Variants in ADGRE3 observed in about 807,000 individuals in gnomAD.
ADGRE3 encodes the protein EGF-like module receptor 3.
In ADGRE3, 88 loss-of-function variants were observed where a neutral mutation model predicts 80.1. The observed-to-expected ratio is 1.10, with a 90% CI of 0.93 to 1.31. ADGRE3 has a LOEUF of 1.31. Among genes scored for constraint, ADGRE3 ranks in the 40% most tolerant of loss-of-function variants. The probability of loss-of-function intolerance (pLI) is 0.00; values close to 1 mark genes in which losing one functional copy is unlikely to be tolerated. For synonymous variants in ADGRE3, 281 were observed against 294.8 expected, an observed-to-expected ratio of 0.95 and a Z score of 0.48; for missense variants, 715 against 776.5, an observed-to-expected ratio of 0.92 and a Z score of 0.94.
chr19:14,658,646 C>A, intron 4 of ADGRE3, 96 bp from the exon 5 acceptor site: 3 of 668,254 alleles, frequency 4.5e-6, no homozygotes, highest in South Asian at 3.6e-5. Context: ...AGCAACTTTG[C>A]ACCTAGAAGG....
chr19:14,647,390 T>A, intron 7 of ADGRE3, 25 bp from the exon 8 acceptor site: 1 of 1,487,090 alleles, frequency 6.7e-7, no homozygotes, highest in Non-Finnish European at 9.1e-7. Context: ...AGATGGAATC[T>A]TTTTTCTTTT....
At chr19:14,674,371 C>T (rs994120531) in intron 1 of ADGRE3, among the ~76,000 whole-genome samples, 1 of 152,126 alleles carries the variant, frequency 6.6e-6, no homozygotes, top group East Asian at 1.9e-4. Context: ...GTGATGTGTG[C>T]CTGTAATCCC....
At chr19:14,633,602 G>A (rs112180561) in intron 11 of ADGRE3, among the ~76,000 whole-genome samples, 18,474 of 151,602 alleles carry the variant, frequency 0.12, 1,231 homozygotes, top group African/African-American at 0.18. Flanking sequence ...CTATTCGGGA[G>A]GCTGAGGCAG....
chr19:14,656,449 G>A (rs988505133), intron 5 of ADGRE3, among the ~76,000 whole-genome samples: 2 of 150,812 alleles, frequency 1.3e-5, no homozygotes, highest in African/African-American at 4.9e-5. Flanking sequence ...GCAAAATCCT[G>A]CCCACCGACT....
chr19:14,662,274 A>T (rs1049312169), intron 3 of ADGRE3, among the ~76,000 whole-genome samples, 156 bp from the exon 4 acceptor site: 3 of 152,042 alleles, frequency 2.0e-5, no homozygotes, highest in Non-Finnish European at 4.4e-5. Context: ...CGCTTTCTTC[A>T]TTGACTTTGG....
In ADGRE3 at chr19:14,620,907, A is replaced by G. The variant is rs75841862; in HGVS notation, c.1921-1436T>C. Reference sequence around the variant, plus strand: ...CTTATTTCATTGTGGAGAACCAATAACTGGAATGCTGGCAGCTTTGGGAAT... The same window carrying G: ...CTTATTTCATTGTGGAGAACCAATAGCTGGAATGCTGGCAGCTTTGGGAAT... On this transcript the variant is annotated intron_variant, in intron 15 of 15. Transcript: ENST00000253673. 2.9e-3 allele frequency among the ~76,000 whole-genome samples: 435 copies of G among 152,180 alleles called. 1 individual carries two copies. The highest frequency in any genetic ancestry group is 0.01 in the African/African-American group (417 of 41,532).
intron 15 of ADGRE3, among the ~76,000 whole-genome samples, chr19:14,620,568 A>ATATATATT (rs1435435269): frequency 3.6e-4 from 4 of 11,048 alleles, no homozygotes; most frequent in African/African-American, 1.2e-3. Context: ...ATATATATAT[A>ATATATATT]TTTTTTTTTT....
At chr19:14,662,928 A>T (rs1407090275) in intron 3 of ADGRE3, among the ~76,000 whole-genome samples, 2 of 132,520 alleles carry the variant, frequency 1.5e-5, no homozygotes, top group South Asian at 4.8e-4. Context: ...AAAAAAAAAA[A>T]TTAGCTGGGC....
chr19:14,644,263 T>G lies in ADGRE3; in HGVS notation c.895A>C (p.Thr299Pro), dbSNP rs765063112. 5 of 1,531,106 alleles carry G rather than the reference T, an allele frequency of 3.3e-6. No homozygotes were observed. The South Asian group carries it at 6.1e-5, about 19-fold the overall frequency. 94.8% of individuals were successfully genotyped at this position (1,531,106 alleles called of 1,614,324 possible). Residue 299 changes from threonine to proline, a missense_variant, in exon 9 of 16, where the codon ACC becomes CCC. Thr to Pro is a conservative substitution (Grantham distance 38). Coordinates refer to ENST00000253673, the MANE Select transcript of ADGRE3 (RefSeq NM_032571.5). ...CAGTAGACACAGAAGACCTTTTTGGTACTGGGGGTCATCTGAAAATAGAAA... is the reference window on the plus strand; with the variant it reads ...CAGTAGACACAGAAGACCTTTTTGGGACTGGGGGTCATCTGAAAATAGAAA... ...TFQHVKMTPS[T>P]KKVFCVYWKS...
At position 14,636,155 on chromosome 19, in the gene ADGRE3, TTTCC is replaced by T. The variant is rs1237820160; in HGVS notation, c.1484+1946_1484+1949del. 2.9e-4 allele frequency among the ~76,000 whole-genome samples: 30 copies of T among 104,962 alleles called. 4 individuals are homozygous for T. Among genetic ancestry groups the T allele is most frequent in the African/African-American group, 7.3e-4 (22 of 30,152 alleles). The allele number at this position is 104,962 out of a possible 152,430, so 68.9% of individuals were successfully genotyped here. A position where few individuals can be genotyped will look rare whatever the true frequency, so the allele number is the denominator to read the frequency against. On this transcript the variant is annotated intron_variant, in intron 11 of 15. Coordinates refer to ENST00000253673, the MANE Select transcript of ADGRE3 (RefSeq NM_032571.5). The stretch of plus-strand genomic sequence containing the variant: ...CTTTCTTTCTTTCTTTCTTTCTTCC[TTTCC>T]TCCTTTCCTTTCCTTTCCTTCCTCT...
At chr19:14,668,746 G>A (rs1442666944) in intron 2 of ADGRE3, 56 bp downstream of exon 2, 12 of 1,484,764 alleles carry the variant, frequency 8.1e-6, no homozygotes, top group African/African-American at 1.4e-5. Flanking sequence ...GACCATGAGT[G>A]GCTCCAGGTC....
chr19:14,601,373 G>T, the ADGRE3 span, among the ~76,000 whole-genome samples: 1 of 152,194 alleles, frequency 6.6e-6, no homozygotes, highest in African/African-American at 2.4e-5. Context: ...TCACCTCCGT[G>T]CAACCAGAAG....
intron 14 of ADGRE3, among the ~76,000 whole-genome samples, chr19:14,626,318 TC>T (rs1487922737): frequency 6.6e-6 from 1 of 151,870 alleles, no homozygotes; most frequent in Non-Finnish European, 1.5e-5. Context: ...ATGACTGTAA[TC>T]CCAGCTACTC....
Position 14,620,537 on chromosome 19 carries a change from T to TATATATATATAATATA in ADGRE3, c.1921-1067_1921-1066insTATATTATATATATAT, listed in dbSNP as rs1415988959. Among the ~76,000 whole-genome samples, 35 of 18,442 alleles carry TATATATATATAATATA rather than the reference T, an allele frequency of 1.9e-3. 6 individuals are homozygous for TATATATATATAATATA. Among genetic ancestry groups the TATATATATATAATATA allele is most frequent in the African/African-American group, 0.011 (35 of 3,264 alleles). The allele number at this position is 18,442 out of a possible 152,430, so 12.1% of individuals were successfully genotyped here. On this transcript the variant is annotated intron_variant, in intron 15 of 15. Coordinates refer to ENST00000253673, the MANE Select transcript of ADGRE3 (RefSeq NM_032571.5). The stretch of plus-strand genomic sequence containing the variant: ...ATGACTATATATGAATATATATATT[T>TATATATATATAATATA]TATATATATATTATATATATATATA...
At chr19:14,644,652 G>A (rs1334630221) in intron 8 of ADGRE3, among the ~76,000 whole-genome samples, 2 of 152,124 alleles carry the variant, frequency 1.3e-5, no homozygotes, top group Admixed American at 1.3e-4. Context: ...AGGAGGGACA[G>A]TTCTCAGTGT....
rs1245561922 is a variant in ADGRE3, at chr19:14,663,446, T to A, written c.171A>T (p.Leu57=). 2.5e-6 allele frequency: 4 copies of A among 1,610,282 alleles called. No individual in the cohort carries two copies. Among genetic ancestry groups the A allele is most frequent in the Non-Finnish European group, 3.4e-6 (4 of 1,177,470 alleles). Residue 57 remains leucine, a synonymous_variant, in exon 3 of 16, where the codon CTA becomes CTT. Coordinates refer to ENST00000253673, the MANE Select transcript of ADGRE3 (RefSeq NM_032571.5). ...HGYTSGSGQK[L]FTFPLETCND... is the part of the protein sequence containing the mutation. The stretch of plus-strand genomic sequence containing the variant: ...TACATGTCTCCAAGGGGAATGTGAA[T>A]AGTTTCTGCCCAGATCCAGAAGTAT...
chr19:14,646,746 C>G (rs1312193249), intron 8 of ADGRE3, among the ~76,000 whole-genome samples: 1 of 131,098 alleles, frequency 7.6e-6, no homozygotes, highest in Admixed American at 8.9e-5. Flanking sequence ...CTCTTTGTTT[C>G]TTTGTTTCTT....
chr19:14,628,736 GC>G, intron 14 of ADGRE3: 1 of 369,318 alleles, frequency 2.7e-6, no homozygotes, highest in Non-Finnish European at 5.3e-6. Context: ...GTTTGCCCCT[GC>G]AGACAGCCAG....
chr19:14,664,977 A>T (rs1181552011), intron 2 of ADGRE3, among the ~76,000 whole-genome samples: 2 of 151,548 alleles, frequency 1.3e-5, no homozygotes, highest in African/African-American at 4.9e-5. Flanking sequence ...CATATTACAC[A>T]TACTGCTCTG....
Sources: gnomAD v4.1 joint callset for allele counts (sites outside exome capture counted in the v4.1 genomes callset) on GRCh38, gnomAD v4.1.1 for gene constraint, MANE v1.5 for transcripts, NCBI Gene and HGNC (gene_info 2026-07-23, HGNC 2026-07-21) for gene names.